VPS13A: variants seen among roughly 807,000 people sequenced by gnomAD.
VPS13A encodes the protein vacuolar protein sorting 13 homolog A.
A neutral mutation model predicts 390.9 loss-of-function variants in VPS13A; 264 were observed. The ratio of observed to expected loss-of-function variants is 0.68; its 90% CI spans 0.61 to 0.75. The LOEUF is 0.75. Among genes scored for constraint, VPS13A ranks in the 30% least tolerant of loss-of-function variants. The probability of loss-of-function intolerance (pLI) is 0.00; values close to 1 mark genes in which losing one functional copy is unlikely to be tolerated. For synonymous variants in VPS13A, 1,231 were observed against 1,227.1 expected (o/e 1.00, Z -0.07); for missense variants, 3,409 against 3,733.9 (o/e 0.91, Z 2.27).
In VPS13A at chr9:77,199,948, C is replaced by G; in HGVS notation, c.104C>G (p.Ala35Gly). Residue 35 changes from alanine to glycine, a missense_variant, in exon 2 of 72, where the codon GCT (alanine) becomes GGT (glycine). Ala to Gly is a moderately conservative substitution (Grantham distance 60). Coordinates refer to ENST00000360280, the MANE Select transcript of VPS13A (RefSeq NM_033305.3). ...SQLSLGIWKG[A>G]VALKNLQIKE... ...TCTTTTTTTTAATCTTTTTTAGGAG[C>G]TGTGGCCCTCAAGAATCTTCAAATT... 1 of 1,604,010 alleles carries G rather than the reference C, an allele frequency of 6.2e-7. No homozygotes were observed. The highest frequency in any genetic ancestry group is 8.5e-7 in the Non-Finnish European group (1 of 1,176,328).
Position 77,282,159 on chromosome 9 carries a change from A to G in VPS13A, c.3003A>G (p.Glu1001=), listed in dbSNP as rs1439266841. The G allele has an allele frequency of 6.8e-6, 11 of 1,613,548 alleles. No homozygotes were observed. The highest frequency in any genetic ancestry group is 9.3e-6 in the Non-Finnish European group (11 of 1,179,696). The change falls in exon 29 of 72, where the codon GAA becomes GAG. Residue 1001 remains glutamate, a synonymous_variant. Coordinates refer to ENST00000360280, the MANE Select transcript of VPS13A (RefSeq NM_033305.3). ...CTTTGGATATTCATTTACACACTGAAGCACTTCTGAATACAATAAATTATC... is the reference window on the plus strand; with the variant it reads ...CTTTGGATATTCATTTACACACTGAGGCACTTCTGAATACAATAAATTATC... ...FSSLDIHLHT[E]ALLNTINYLH... is the part of the protein sequence containing the mutation.
At chr9:77,409,316 G>C (rs187623422) in intron 71 of VPS13A, among the ~76,000 whole-genome samples, 3 of 152,136 alleles carry the variant, frequency 2.0e-5, no homozygotes, top group South Asian at 4.1e-4. Context: ...CATCATCAAA[G>C]ACCAAAGGTA....
At chr9:77,254,398 C>G (rs900904016) in intron 22 of VPS13A, among the ~76,000 whole-genome samples, 5 of 152,124 alleles carry the variant, frequency 3.3e-5, no homozygotes, top group African/African-American at 1.2e-4. Context: ...CCATTGGTCT[C>G]TATGTCTTTA....
chr9:77,334,903 G>A (rs909494291), intron 46 of VPS13A, among the ~76,000 whole-genome samples: 2 of 152,174 alleles, frequency 1.3e-5, no homozygotes, highest in African/African-American at 2.4e-5. Flanking sequence ...CAGGTAAGAA[G>A]GAAGTCTAAT....
At chr9:77,180,345 A>G (rs528361379) in intron 1 of VPS13A, among the ~76,000 whole-genome samples, 1 of 152,342 alleles carries the variant, frequency 6.6e-6, no homozygotes, top group South Asian at 2.1e-4. Flanking sequence ...GAGTTCTTTA[A>G]ATATTAAGGA....
At chr9:77,315,695 A>G (rs1267161243) in intron 38 of VPS13A, among the ~76,000 whole-genome samples, 3 of 152,150 alleles carry the variant, frequency 2.0e-5, no homozygotes, top group Non-Finnish European at 4.4e-5. Flanking sequence ...AACCTATGTT[A>G]GAATAAGTAA....
At chr9:77,292,466 G>C (rs189101474) in intron 31 of VPS13A, among the ~76,000 whole-genome samples, 9 of 152,070 alleles carry the variant, frequency 5.9e-5, no homozygotes, top group Admixed American at 3.3e-4. Flanking sequence ...TAGTTTATCG[G>C]GTTTTTTTTC....
At chr9:77,342,549 T>G (rs1830892698) in intron 50 of VPS13A, among the ~76,000 whole-genome samples, 1 of 152,220 alleles carries the variant, frequency 6.6e-6, no homozygotes, top group South Asian at 2.1e-4. Context: ...TGACACATTC[T>G]CTTTCTGATG....
rs140089516 is a variant in VPS13A, at chr9:77,354,138, A to G, written c.7652+497A>G. Among the ~76,000 whole-genome samples, 790 of 152,152 alleles carry G rather than the reference A, an allele frequency of 5.2e-3. 3 individuals carry two copies. Among genetic ancestry groups the G allele is most frequent in the Non-Finnish European group, 9.5e-3 (648 of 67,928 alleles). ...TCTCCCTTATGTCCTTATTATTCCT[A>G]TTCATAAACAGTTGTTTTAATTTAC... On this transcript the variant is annotated intron_variant, in intron 54 of 71. Coordinates refer to ENST00000360280, the MANE Select transcript of VPS13A (RefSeq NM_033305.3).
chr9:77,233,586 T>G (rs1422598719), intron 17 of VPS13A, among the ~76,000 whole-genome samples: 1 of 152,182 alleles, frequency 6.6e-6, no homozygotes, highest in Non-Finnish European at 1.5e-5. Flanking sequence ...TCCTGTATGT[T>G]TTGTAATATT....
At chr9:77,367,999 T>G in intron 61 of VPS13A, 56 bp from the exon 62 acceptor site, 3 of 1,458,056 alleles carry the variant, frequency 2.1e-6, no homozygotes, top group Non-Finnish European at 2.8e-6. Flanking sequence ...TCATTAATAT[T>G]AAAAATACTT....
At chr9:77,181,671 C>T (rs1824027030) in intron 1 of VPS13A, among the ~76,000 whole-genome samples, 1 of 152,066 alleles carries the variant, frequency 6.6e-6, no homozygotes, top group African/African-American at 2.4e-5. Flanking sequence ...TAGCATGTTA[C>T]TATAATAGTA....
Position 77,213,019 on chromosome 9 carries a change from G to T in VPS13A, c.606G>T (p.Leu202=). 6.2e-7 allele frequency: 1 copy of T among 1,613,844 alleles called. No individual in the cohort carries two copies. ...VPCLHDETEK[L]VRKLIRLDNL... ...GTTTACATGATGAAACTGAGAAACT[G>T]GTTCGTAAGGTAAATAAATACTGTG... Residue 202 remains leucine, a synonymous_variant, in exon 8 of 72, where the codon CTG becomes CTT. Transcript: ENST00000360280.
intron 19 of VPS13A, among the ~76,000 whole-genome samples, chr9:77,239,596 T>C (rs1245920394): frequency 2.6e-5 from 4 of 151,936 alleles, no homozygotes; most frequent in African/African-American, 7.2e-5. Flanking sequence ...TTTTTTCTTA[T>C]ATTTTTACTT....
intron 1 of VPS13A, among the ~76,000 whole-genome samples, chr9:77,186,964 T>G (rs1824377062): frequency 6.6e-6 from 1 of 152,230 alleles, no homozygotes; most frequent in Non-Finnish European, 1.5e-5. Flanking sequence ...ACTTGAAGTA[T>G]AAGTGGAATT....
intron 68 of VPS13A, 70 bp downstream of exon 68, chr9:77,382,157 A>G: frequency 7.4e-7 from 1 of 1,360,500 alleles, no homozygotes. Context: ...GTAGCCATTT[A>G]ATATATATTA....
At chr9:77,200,739 G>C (rs1285338772) in intron 2 of VPS13A, among the ~76,000 whole-genome samples, 1 of 151,946 alleles carries the variant, frequency 6.6e-6, no homozygotes, top group African/African-American at 2.4e-5. Context: ...AATTGCTTGT[G>C]CTTTTATTGT....
Position 77,340,214 on chromosome 9 carries a change from C to G in VPS13A, c.6811C>G (p.Gln2271Glu), listed in dbSNP as rs1436358117. The G allele has an allele frequency of 6.2e-7, 1 of 1,613,214 alleles. No individual in the cohort carries two copies. Among genetic ancestry groups the G allele is most frequent in the East Asian group, 2.2e-5 (1 of 44,738 alleles). Residue 2271 changes from glutamine to glutamate, a missense_variant, in exon 49 of 72, where the codon CAG (glutamine) becomes GAG (glutamate). Physicochemically the swap from Gln to Glu is conservative, Grantham distance 29. Around this residue, in one of 5 missense-constraint regions of VPS13A, gnomAD observed 2,717 missense variants for 2,917.4 expected, o/e 0.93. Transcript: ENST00000360280. ...LMVTDSELSN[Q>E]FSIDTVGSHG... The stretch of plus-strand genomic sequence containing the variant: ...GGTAACTGATAGTGAGTTGTCCAAT[C>G]AGTTTTCAATTGATACTGTTGGTAG...
intron 68 of VPS13A, 126 bp from the exon 69 acceptor site, chr9:77,403,110 A>G: frequency 1.5e-6 from 1 of 667,222 alleles, no homozygotes; most frequent in Non-Finnish European, 2.6e-6. Context: ...CAAATAATTA[A>G]ATGTTTTCTC....
Sources: gnomAD v4.1 joint callset for allele counts (sites outside exome capture counted in the v4.1 genomes callset) on GRCh38, gnomAD v4.1.1 for gene constraint, gnomAD v4.1.1 regional missense constraint, MANE v1.5 for transcripts, NCBI Gene and HGNC (gene_info 2026-07-23, HGNC 2026-07-21) for gene names.